Variants in CCDC88C observed in about 807,000 individuals in gnomAD.
CCDC88C encodes the protein coiled-coil and HOOK domain protein 88C.
CCDC88C carries 131 observed loss-of-function variants against 198.8 expected under a neutral mutation model. That is an observed-to-expected ratio of 0.66 (90% CI 0.57 to 0.76). The LOEUF (loss-of-function observed/expected upper bound fraction) is 0.76, where lower values mean the gene tolerates loss of function less well. Among genes scored for constraint, CCDC88C ranks in the 30% least tolerant of loss-of-function variants. The pLI, the probability that CCDC88C is intolerant of heterozygous loss-of-function variation, is 0.00. For missense variants in CCDC88C, 2,553 were observed against 2,631.6 expected, an observed-to-expected ratio of 0.97 and a Z score of 0.65; for synonymous variants, 1,166 against 1,114.7, an observed-to-expected ratio of 1.05 and a Z score of -0.92.
At chr14:91,337,645 G>T (rs927790349) in intron 10 of CCDC88C, among the ~76,000 whole-genome samples, 1 of 152,230 alleles carries the variant, frequency 6.6e-6, no homozygotes, top group East Asian at 1.9e-4. Flanking sequence ...CCGGTTGCCC[G>T]TTATTCCCAC....
intron 6 of CCDC88C, among the ~76,000 whole-genome samples, chr14:91,341,157 G>A (rs1354336956): frequency 3.9e-5 from 6 of 152,210 alleles, no homozygotes; most frequent in African/African-American, 1.4e-4. Context: ...GGTGATCTGA[G>A]AATTAGGAGA....
Position 91,278,130 on chromosome 14 carries a change from G to A in CCDC88C, c.4850C>T (p.Pro1617Leu), listed in dbSNP as rs74634782. ...LIPSRDLATL[P>L]REASTPGRNA... Reference sequence around the variant, plus strand: ...GCGTCCCGGTGTGCTGGCTTCCCGGGGCAAAGTGGCCAGGTCCCTGCTGGG... The same window carrying A: ...GCGTCCCGGTGTGCTGGCTTCCCGGAGCAAAGTGGCCAGGTCCCTGCTGGG... Residue 1617 changes from proline (P) to leucine (L), a missense_variant, in exon 29 of 30, where the codon CCC becomes CTC. Physicochemically the swap from Pro to Leu is moderately conservative, Grantham distance 98. Coordinates refer to ENST00000389857, the MANE Select transcript of CCDC88C (RefSeq NM_001080414.4). 6.2e-7 allele frequency: 1 copy of A among 1,613,406 alleles called. No homozygotes were observed. The highest frequency in any genetic ancestry group is 8.5e-7 in the Non-Finnish European group (1 of 1,179,786).
At position 91,313,975 on chromosome 14, in the gene CCDC88C, C is replaced by T. The variant is rs755863447; in HGVS notation, c.1841G>A (p.Arg614Gln). 2.7e-5 allele frequency: 43 copies of T among 1,613,756 alleles called. No individual in the cohort carries two copies. The highest frequency in any genetic ancestry group is 1.8e-4 in the Admixed American group (11 of 60,008). Residue 614 changes from arginine (R) to glutamine (Q), a missense_variant, in exon 15 of 30, where the codon CGG becomes CAG. This residue lies in a region of CCDC88C where 1,260 missense variants were observed against 1,412.0 expected (regional missense o/e 0.89). Transcript: ENST00000389857. This position sits in a 1 kb window ranked among gnomAD's most constrained non-coding sequence, Gnocchi z 5.2. ...CTGCTCCAAGTCCCTGTGCAGCTGC[C>T]GCTTCTCAAACTCCAACTGGCTGAG... ...GKLSQLEFEK[R>Q]QLHRDLEQAK...
chr14:91,278,326 GC>G (rs1453390155), intron 28 of CCDC88C, 115 bp from the exon 29 acceptor site: 1 of 1,047,044 alleles, frequency 9.6e-7, no homozygotes. Context: ...AAAATCCCTT[GC>G]CCGAAAACCC....
chr14:91,319,082 T>G (rs1404598751), intron 13 of CCDC88C, among the ~76,000 whole-genome samples: 1 of 152,180 alleles, frequency 6.6e-6, no homozygotes, highest in Non-Finnish European at 1.5e-5. Flanking sequence ...CCATCCTGCA[T>G]GGCAGTCAGC....
Position 91,272,567 on chromosome 14 carries a change from G to T in CCDC88C, c.*58C>A. The T allele has an allele frequency of 6.5e-7, 1 of 1,527,952 alleles. No individual in the cohort carries two copies. The highest frequency in any genetic ancestry group is 8.8e-7 in the Non-Finnish European group (1 of 1,131,296). 94.6% of individuals were successfully genotyped at this position (1,527,952 alleles called of 1,614,324 possible). ...CCGCAGGCAAGCAAGAGAAAAGGCC[G>T]TGAGAGTCGGAAGGCGCGTCAGTAG... On this transcript the variant is annotated 3_prime_UTR_variant, in exon 30 of 30. Transcript: ENST00000389857.
At chr14:91,384,923 G>A (rs916298769) in intron 3 of CCDC88C, among the ~76,000 whole-genome samples, 27 of 152,238 alleles carry the variant, frequency 1.8e-4, no homozygotes, top group African/African-American at 3.9e-4. Flanking sequence ...TCCACCCAAC[G>A]GCAAAGGATA....
At chr14:91,377,339 A>C (rs1429797255) in intron 3 of CCDC88C, among the ~76,000 whole-genome samples, 4 of 152,184 alleles carry the variant, frequency 2.6e-5, no homozygotes, top group Non-Finnish European at 5.9e-5. Context: ...GTTCACGCGC[A>C]TGAGAGCCGG....
intron 27 of CCDC88C, among the ~76,000 whole-genome samples, chr14:91,280,899 G>T (rs974532410): frequency 6.6e-6 from 1 of 152,290 alleles, no homozygotes; most frequent in African/African-American, 2.4e-5. Flanking sequence ...AACTGAAATC[G>T]ATGTAAACTT....
At chr14:91,323,930 C>G (rs186939442) in intron 12 of CCDC88C, among the ~76,000 whole-genome samples, 1 of 152,258 alleles carries the variant, frequency 6.6e-6, no homozygotes, top group Admixed American at 6.5e-5. Context: ...TAGGAACCCC[C>G]AAATGCAAGA....
At chr14:91,417,470 C>G in intron 1 of CCDC88C, 161 bp downstream of exon 1, 1 of 595,192 alleles carries the variant, frequency 1.7e-6, no homozygotes, top group Non-Finnish European at 2.9e-6. Flanking sequence ...AAGCTCCGGA[C>G]TCCAGGACGC....
At chr14:91,324,976 C>A in intron 11 of CCDC88C, 53 bp from the exon 12 acceptor site, 1 of 1,607,328 alleles carries the variant, frequency 6.2e-7, no homozygotes, top group South Asian at 1.1e-5. Context: ...GGAGATCCCC[C>A]TGGACAAGCC....
At chr14:91,359,791 G>GAT in intron 3 of CCDC88C, 80 bp from the exon 4 acceptor site, 1 of 1,298,306 alleles carries the variant, frequency 7.7e-7, no homozygotes, top group Non-Finnish European at 1.1e-6. Context: ...TACAAGTAAT[G>GAT]AAGCCCCCGG....
Position 91,325,540 on chromosome 14 carries a change from G to A in CCDC88C, c.1197+370C>T, listed in dbSNP as rs1397057114. Among the ~76,000 whole-genome samples, 1 of 152,116 alleles carries A rather than the reference G, an allele frequency of 6.6e-6. No homozygotes were observed. The highest frequency in any genetic ancestry group is 1.5e-5 in the Non-Finnish European group (1 of 68,010). On this transcript the variant is annotated intron_variant, in intron 11 of 29. Transcript: ENST00000389857. This position sits in a 1 kb window ranked among gnomAD's most constrained non-coding sequence, Gnocchi z 4.1. ...TAGCTAAACTATCAGAGAAGGGCAC[G>A]CCATAAACCTGAACCTGCCCCAATC...
intron 3 of CCDC88C, among the ~76,000 whole-genome samples, chr14:91,370,318 T>C (rs1431691659): frequency 1.3e-5 from 2 of 152,344 alleles, no homozygotes; most frequent in East Asian, 1.9e-4. Context: ...CACATCTTTA[T>C]GGCGTTAACT....
In CCDC88C at chr14:91,342,449, C is replaced by T; in HGVS notation, c.414G>A (p.Glu138=). ...LGCAVQCERK[E]EFIERIKQLD... The stretch of plus-strand genomic sequence containing the variant: ...GCTGTTTGATTCTTTCAATGAACTC[C>T]TCTTTCCTCTCACACTGCGGAGGGT... The change falls in exon 6 of 30, where the codon GAG becomes GAA. Residue 138 remains glutamate, a synonymous_variant. Coordinates refer to ENST00000389857, the MANE Select transcript of CCDC88C (RefSeq NM_001080414.4). The T allele has an allele frequency of 6.3e-7, 1 of 1,590,940 alleles. No homozygotes were observed. The highest frequency in any genetic ancestry group is 2.3e-5 in the East Asian group (1 of 44,050).
In CCDC88C at chr14:91,309,993, T is replaced by A. The variant is rs1479908794; in HGVS notation, c.2737-7A>T. On this transcript the variant is annotated splice_polypyrimidine_tract_variant and splice_region_variant and intron_variant, in intron 15 of 29. Coordinates refer to ENST00000389857, the MANE Select transcript of CCDC88C (RefSeq NM_001080414.4). ...GCTTCTCGAGCACCAGGTCCTGGAA[T>A]GATGGGGAGAGAGCACTGGATAGGA... 6.3e-7 allele frequency: 1 copy of A among 1,588,458 alleles called. No homozygotes were observed.
chr14:91,346,975 C>T (rs186111738), intron 4 of CCDC88C, among the ~76,000 whole-genome samples: 3 of 152,290 alleles, frequency 2.0e-5, no homozygotes, highest in African/African-American at 4.8e-5. Flanking sequence ...CAGTGCTTGC[C>T]GGCTCAGCCC....
Position 91,303,869 on chromosome 14 carries a change from T to G in CCDC88C, c.3467A>C (p.Gln1156Pro). 1 of 1,613,280 alleles carries G rather than the reference T, an allele frequency of 6.2e-7. No homozygotes were observed. The highest frequency in any genetic ancestry group is 8.5e-7 in the Non-Finnish European group (1 of 1,179,890). ...KETENESLQRQQEQLTAAYEA... is the reference protein window; with the variant it reads ...KETENESLQRPQEQLTAAYEA... ...GTAGGCCGCTGTAAGTTGCTCCTGC[T>G]GCCTCTGCAGGCTTTCGTTCTCCGT... is the stretch of plus-strand genomic sequence containing the variant. The change falls in exon 20 of 30, where the codon CAG becomes CCG. Residue 1156 changes from glutamine (Q) to proline (P), a missense_variant. Physicochemically the swap from Gln to Pro is moderately conservative, Grantham distance 76. Coordinates refer to ENST00000389857, the MANE Select transcript of CCDC88C (RefSeq NM_001080414.4).
Sources: allele counts gnomAD v4.1 joint callset (sites outside exome capture counted in the v4.1 genomes callset), GRCh38; gene constraint gnomAD v4.1.1; regional missense constraint gnomAD v4.1.1; non-coding constraint Gnocchi (gnomAD v3.1); transcripts MANE v1.5; gene names NCBI Gene and HGNC (gene_info 2026-07-23, HGNC 2026-07-21).